CLYBL: variants seen among roughly 807,000 people sequenced by gnomAD.
CLYBL encodes citramalyl-CoA lyase.
In CLYBL, 31 loss-of-function variants were observed where a neutral mutation model predicts 38.9. The observed-to-expected ratio is 0.80, with a 90% confidence interval of 0.60 to 1.08. The LOEUF is 1.08. Among genes scored for constraint, CLYBL ranks in the 50% least tolerant of loss-of-function variants. The probability of loss-of-function intolerance (pLI) is 0.00; values close to 1 mark genes in which losing one functional copy is unlikely to be tolerated. For missense variants in CLYBL, 434 were observed against 411.6 expected (o/e 1.05, Z -0.47); for synonymous variants, 171 against 158.6 (o/e 1.08, Z -0.59).
downstream of CLYBL, among the ~76,000 whole-genome samples, chr13:99,900,454 G>A (rs1348995515): frequency 2.6e-5 from 4 of 152,026 alleles, no homozygotes; most frequent in African/African-American, 7.3e-5. Flanking sequence ...ACTCTTATCT[G>A]ATCATTTTGT....
At chr13:99,801,938 C>T (rs1275465246) in intron 2 of CLYBL, among the ~76,000 whole-genome samples, 1 of 152,182 alleles carries the variant, frequency 6.6e-6, no homozygotes, top group Middle Eastern at 3.2e-3. Context: ...ATCTCTTGAA[C>T]CTGATAGGCG....
chr13:99,631,274 A>G (rs1210700144), intron 1 of CLYBL, among the ~76,000 whole-genome samples: 3 of 152,026 alleles, frequency 2.0e-5, no homozygotes, highest in African/African-American at 4.8e-5. Flanking sequence ...GTGACCTGAG[A>G]TAGTGCCACT....
intron 1 of CLYBL, among the ~76,000 whole-genome samples, chr13:99,608,061 CTTT>C (rs56149363): frequency 1.4e-3 from 102 of 75,040 alleles, no homozygotes; most frequent in Admixed American, 2.1e-3. Flanking sequence ...TCTGGAACTT[CTTT>C]TTTTTTTTTT....
chr13:99,903,522 T>G (rs9585262), intron 8 of CLYBL, among the ~76,000 whole-genome samples: 22,149 of 152,250 alleles, frequency 0.15, 1,841 homozygotes, highest in African/African-American at 0.21. Context: ...CATTTCTTTT[T>G]GATCCTTTCG....
intron 1 of CLYBL, among the ~76,000 whole-genome samples, chr13:99,754,446 A>G (rs1184863641): frequency 2.0e-5 from 3 of 147,846 alleles, no homozygotes; most frequent in African/African-American, 7.5e-5. Flanking sequence ...AAAAGAGGAG[A>G]GATGGAGTCT....
chr13:99,606,889 C>G, intron 1 of CLYBL, 132 bp downstream of exon 1: 9 of 1,262,238 alleles, frequency 7.1e-6, no homozygotes, highest in Non-Finnish European at 9.0e-6. Context: ...GCACCATGCG[C>G]CTCCCACGCG....
Position 99,870,953 on chromosome 13 carries a change from A to G in CLYBL, c.818A>G (p.His273Arg), listed in dbSNP as rs2051875153. 6.2e-7 allele frequency: 1 copy of G among 1,611,196 alleles called. No individual in the cohort carries two copies. The highest frequency in any genetic ancestry group is 2.2e-5 in the East Asian group (1 of 44,862). ...ATTCTTGTAGGTAAGCAGGTGATTC[A>G]CCCTAACCAAATTGCCGTGGTCCAG... Reference protein sequence around the residue: ...AMGFTGKQVIHPNQIAVVQEQ... With the variant: ...AMGFTGKQVIRPNQIAVVQEQ... Residue 273 changes from histidine (H) to arginine (R), a missense_variant, in exon 7 of 9, where the codon CAC becomes CGC. Transcript: ENST00000339105.
At chr13:99,628,916 G>A (rs937751668) in intron 1 of CLYBL, among the ~76,000 whole-genome samples, 2 of 152,182 alleles carry the variant, frequency 1.3e-5, no homozygotes, top group Non-Finnish European at 2.9e-5. Flanking sequence ...ACAAGTGTAA[G>A]AATAAAATTG....
At chr13:99,679,077 G>A (rs1373445110) in intron 1 of CLYBL, among the ~76,000 whole-genome samples, 13 of 152,184 alleles carry the variant, frequency 8.5e-5, no homozygotes, top group Middle Eastern at 3.4e-3. Context: ...GGCAGATCAC[G>A]AGGTCAGGAG....
intron 1 of CLYBL, among the ~76,000 whole-genome samples, chr13:99,735,305 C>T (rs575889933): frequency 4.6e-5 from 7 of 152,248 alleles, no homozygotes; most frequent in Non-Finnish European, 7.4e-5. Context: ...GCCATCCTCC[C>T]GCCTCAGCCT....
intron 1 of CLYBL, among the ~76,000 whole-genome samples, chr13:99,759,334 A>G (rs1365846915): frequency 6.6e-6 from 1 of 152,240 alleles, no homozygotes; most frequent in Non-Finnish European, 1.5e-5. Context: ...CAGAAGCAAC[A>G]GGTGGTGGAT....
At position 99,806,055 on chromosome 13, in the gene CLYBL, A is replaced by G. The variant is rs575929496; in HGVS notation, c.249+33045A>G. Among the ~76,000 whole-genome samples, 8 of 152,328 alleles carry G rather than the reference A, an allele frequency of 5.3e-5. No homozygotes were observed. The South Asian group carries it at 1.7e-3, about 32-fold the overall frequency. On this transcript the variant is annotated intron_variant, in intron 2 of 8. Transcript: ENST00000339105. ...ACTATAATTTTATAATTGTTTTATA[A>G]CAAGATTTTATAATTTTAGCAATAA...
Position 99,712,084 on chromosome 13 carries a change from A to G in CLYBL, c.63-60740A>G, listed in dbSNP as rs1454157665. 2.0e-5 allele frequency among the ~76,000 whole-genome samples: 3 copies of G among 152,284 alleles called. No individual in the cohort carries two copies. The East Asian group carries it at 5.8e-4, about 29-fold the overall frequency. ...ATCACCAACCAAAGGCCTCACCTCC[A>G]CATTTGATCACACTGGGAATGAAGA... On this transcript the variant is annotated intron_variant, in intron 1 of 8. Coordinates refer to ENST00000339105, the MANE Select transcript of CLYBL (RefSeq NM_206808.5).
intron 1 of CLYBL, among the ~76,000 whole-genome samples, chr13:99,624,444 T>C (rs2046841590): frequency 6.6e-6 from 1 of 152,238 alleles, no homozygotes; most frequent in Admixed American, 6.5e-5. Flanking sequence ...ATTATAGATT[T>C]GTCTAAACAT....
At chr13:99,701,677 T>A (rs1220797208) in intron 1 of CLYBL, among the ~76,000 whole-genome samples, 1 of 152,130 alleles carries the variant, frequency 6.6e-6, no homozygotes. Context: ...TTATTTATTT[T>A]ATTATTATTA....
rs2046529382 is a variant in CLYBL at position 99,606,758 on chromosome 13, G to A, written c.62+1G>A. 6.8e-7 allele frequency: 1 copy of A among 1,472,932 alleles called. No homozygotes were observed. Among genetic ancestry groups the A allele is most frequent in the Admixed American group, 2.3e-5 (1 of 42,780 alleles). The allele number at this position is 1,472,932 out of a possible 1,614,324, so 91.2% of individuals were successfully genotyped here. On this transcript the variant is annotated splice_donor_variant, in intron 1 of 8. Coordinates refer to ENST00000339105, the MANE Select transcript of CLYBL (RefSeq NM_206808.5). LOFTEE classifies it high-confidence loss of function. The stretch of plus-strand genomic sequence containing the variant: ...CTGCGGCGGCGGCGCTGCTGAGGCT[G>A]TGAGTGCAGGTCCCCGTTCCCCGCC...
At chr13:99,902,462 A>G (rs1280682695) in intron 8 of CLYBL, among the ~76,000 whole-genome samples, 1 of 152,248 alleles carries the variant, frequency 6.6e-6, no homozygotes, top group Non-Finnish European at 1.5e-5. Flanking sequence ...CACACTGCCT[A>G]TGAAAATCAG....
chr13:99,698,334 TG>T (rs1465305760), intron 1 of CLYBL, among the ~76,000 whole-genome samples: 2 of 59,880 alleles, frequency 3.3e-5, no homozygotes, highest in Non-Finnish European at 8.7e-5. Flanking sequence ...GCCTGGCTGC[TG>T]TTTTTTTTTT....
intron 1 of CLYBL, among the ~76,000 whole-genome samples, chr13:99,656,438 C>T (rs1283556878): frequency 6.6e-6 from 1 of 152,198 alleles, no homozygotes; most frequent in South Asian, 2.1e-4. Flanking sequence ...TCTTGATCGT[C>T]TACAGATAGG....
Sources: gnomAD v4.1 joint callset for allele counts (sites outside exome capture counted in the v4.1 genomes callset) on GRCh38, gnomAD v4.1.1 for gene constraint, MANE v1.5 for transcripts, NCBI Gene and HGNC (gene_info 2026-07-23, HGNC 2026-07-21) for gene names.